The following FANCC variants were observed in gnomAD, a reference collection of about 807,000 sequenced individuals.
The protein encoded by FANCC is FA complementation group C, also known as Fanconi anemia group C protein.
In FANCC, 55 loss-of-function variants were observed where a neutral mutation model predicts 71.3. The observed-to-expected ratio is 0.77, with a 90% CI of 0.62 to 0.97. FANCC has a LOEUF of 0.97. FANCC is among the 50% of genes least tolerant of loss of function. FANCC has a pLI of 0.00. For missense variants in FANCC, 678 were observed against 670.9 expected, an observed-to-expected ratio of 1.01 and a Z score of -0.12; for synonymous variants, 275 against 244.9, an observed-to-expected ratio of 1.12 and a Z score of -1.15.
Position 95,101,791 on chromosome 9 carries a change from G to A in FANCC, c.1593C>T (p.Tyr531=), listed in dbSNP as rs758842354. ...EIIGFLDQTL[Y]RWNRLGIESP... ...TTTCAATGCCAAGACGATTCCATCT[G>A]TACAAGGTCTGGTCAAGAAAGCCAA... is the stretch of plus-strand genomic sequence containing the variant. The change falls in exon 15 of 15, where the codon TAC becomes TAT. Residue 531 remains tyrosine, a synonymous_variant. Transcript: ENST00000289081. 4 of 1,614,022 alleles carry A rather than the reference G, an allele frequency of 2.5e-6. No homozygotes were observed. The African/African-American group carries it at 4.0e-5, about 16-fold the overall frequency.
intron 1 of FANCC, among the ~76,000 whole-genome samples, chr9:95,309,544 AT>A (rs1338917601): frequency 6.6e-6 from 1 of 152,222 alleles, no homozygotes; most frequent in Non-Finnish European, 1.5e-5. Context: ...CTAGGGCTAA[AT>A]ATAACTGATT....
At chr9:95,256,754 A>C (rs1005943586) in intron 1 of FANCC, among the ~76,000 whole-genome samples, 1 of 152,218 alleles carries the variant, frequency 6.6e-6, no homozygotes, top group Non-Finnish European at 1.5e-5. Context: ...AATTCAATAA[A>C]AAGTCAAGAC....
chr9:95,302,719 C>T (rs1834822881), intron 1 of FANCC, among the ~76,000 whole-genome samples: 1 of 152,160 alleles, frequency 6.6e-6, no homozygotes, highest in Admixed American at 6.5e-5. Flanking sequence ...CACAGCAAAC[C>T]AGAGCAGCAC....
chr9:95,102,173 A>AAGTT (rs2071113896), intron 14 of FANCC, among the ~76,000 whole-genome samples: 1 of 152,222 alleles, frequency 6.6e-6, no homozygotes, highest in African/African-American at 2.4e-5. Context: ...TGCCAGTCAC[A>AAGTT]AGTTGTGGGA....
chr9:95,128,037 T>C (rs1304130125), intron 8 of FANCC, among the ~76,000 whole-genome samples: 1 of 152,240 alleles, frequency 6.6e-6, no homozygotes, highest in African/African-American at 2.4e-5. Context: ...AAATTCATTA[T>C]CTATGCAAGA....
intron 4 of FANCC, among the ~76,000 whole-genome samples, chr9:95,232,186 C>G (rs1209167527): frequency 6.6e-6 from 1 of 152,180 alleles, no homozygotes; most frequent in Admixed American, 6.5e-5. Context: ...TTTTCAACAA[C>G]TAGACCTCGC....
chr9:95,207,941 A>G (rs1185458227), intron 4 of FANCC, among the ~76,000 whole-genome samples: 1 of 152,142 alleles, frequency 6.6e-6, no homozygotes. Context: ...TACATTCAGG[A>G]GTGTGACACA....
chr9:95,311,424 G>A (rs910449812), intron 1 of FANCC, among the ~76,000 whole-genome samples: 3 of 152,130 alleles, frequency 2.0e-5, no homozygotes, highest in African/African-American at 7.2e-5. Context: ...ATAGGAGGGT[G>A]TTGGAAGTCA....
At chr9:95,110,611 G>A in intron 13 of FANCC, 1 of 1,040,032 alleles carries the variant, frequency 9.6e-7, no homozygotes, top group Non-Finnish European at 1.2e-6. Flanking sequence ...TGCCATGCAA[G>A]CCTTTAAACA....
chr9:95,179,474 G>A (rs1826209219), intron 4 of FANCC, among the ~76,000 whole-genome samples: 1 of 152,186 alleles, frequency 6.6e-6, no homozygotes, highest in South Asian at 2.1e-4. Context: ...AGCCTCCAGA[G>A]TAGCTGGGAT....
intron 6 of FANCC, among the ~76,000 whole-genome samples, chr9:95,151,149 G>C (rs1830147955): frequency 1.4e-5 from 2 of 147,172 alleles, no homozygotes. Flanking sequence ...TCTCTTCCTG[G>C]TACCTTTCAC....
intron 11 of FANCC, 102 bp from the exon 12 acceptor site, chr9:95,114,812 T>G: frequency 1.0e-6 from 1 of 953,726 alleles, no homozygotes; most frequent in Non-Finnish European, 1.7e-6. Flanking sequence ...GAGACGCCCT[T>G]TACTTCTGGT....
chr9:95,220,896 TA>T (rs1268806330), intron 4 of FANCC, among the ~76,000 whole-genome samples: 1 of 150,322 alleles, frequency 6.7e-6, no homozygotes, highest in Non-Finnish European at 1.5e-5. Flanking sequence ...AATAAATAAA[TA>T]AAAGAAATAC....
intron 4 of FANCC, among the ~76,000 whole-genome samples, chr9:95,216,203 T>G (rs1307400992): frequency 1.3e-5 from 2 of 152,158 alleles, no homozygotes; most frequent in African/African-American, 4.8e-5. Context: ...TGTTTTAATG[T>G]CAGACAAAGC....
intron 4 of FANCC, among the ~76,000 whole-genome samples, chr9:95,186,869 G>C (rs1826760814): frequency 6.7e-6 from 1 of 149,514 alleles, no homozygotes; most frequent in South Asian, 2.1e-4. Flanking sequence ...TCAGCTCATA[G>C]CAACCTCTGC....
intron 1 of FANCC, among the ~76,000 whole-genome samples, chr9:95,313,191 G>A (rs1470398030): frequency 1.3e-5 from 2 of 152,182 alleles, no homozygotes; most frequent in Admixed American, 6.5e-5. Flanking sequence ...CCCAAGCACG[G>A]GAGCCAGCGT....
chr9:95,102,876 C>T (rs114952574), intron 14 of FANCC, among the ~76,000 whole-genome samples: 1,756 of 152,310 alleles, frequency 0.012, 33 homozygotes, highest in African/African-American at 0.04. Context: ...CCTCGGCCCC[C>T]CCTGGCAGCA....
intron 1 of FANCC, among the ~76,000 whole-genome samples, chr9:95,266,133 C>T (rs985970092): frequency 1.3e-5 from 2 of 152,196 alleles, no homozygotes; most frequent in African/African-American, 4.8e-5. Context: ...GGTTCTCAAA[C>T]TTAAAAACTG....
At chr9:95,279,136 T>G (rs1316199843) in intron 1 of FANCC, among the ~76,000 whole-genome samples, 3 of 151,940 alleles carry the variant, frequency 2.0e-5, no homozygotes, top group African/African-American at 7.3e-5. Context: ...GCCAACATGG[T>G]GAAACCCCCC....
Sources: allele counts gnomAD v4.1 joint callset (sites outside exome capture counted in the v4.1 genomes callset), GRCh38; gene constraint gnomAD v4.1.1; transcripts MANE v1.5; gene names NCBI Gene and HGNC (gene_info 2026-07-23, HGNC 2026-07-21).